TP63: variants seen among roughly 807,000 people sequenced by gnomAD.
The protein encoded by TP63 is tumor protein p63, also known as tumor protein 63.
In TP63, 17 loss-of-function variants were observed where a neutral mutation model predicts 82.8. The observed-to-expected ratio is 0.21, with a 90% CI of 0.14 to 0.31. The LOEUF (loss-of-function observed/expected upper bound fraction) is 0.31, where lower values mean the gene tolerates loss of function less well. TP63 is among the 10% of genes least tolerant of loss of function. The pLI, the probability that TP63 is intolerant of heterozygous loss-of-function variation, is 1.00. For synonymous variants in TP63, 330 were observed against 321.7 expected, an observed-to-expected ratio of 1.03 and a Z score of -0.28; for missense variants, 648 against 895.3, an observed-to-expected ratio of 0.72 and a Z score of 3.52.
At chr3:189,826,080 A>C (rs988811314) in intron 4 of TP63, among the ~76,000 whole-genome samples, 1 of 152,206 alleles carries the variant, frequency 6.6e-6, no homozygotes, top group African/African-American at 2.4e-5. Context: ...TTAAAACTTA[A>C]AGTTTTATGG....
intron 3 of TP63, among the ~76,000 whole-genome samples, chr3:189,776,793 G>C (rs568449952): frequency 8.5e-5 from 13 of 152,328 alleles, no homozygotes; most frequent in African/African-American, 3.1e-4. Flanking sequence ...AAATGCTGTT[G>C]TGACAGTTGG....
chr3:189,748,689 A>G (rs1721570649), intron 3 of TP63, among the ~76,000 whole-genome samples: 1 of 152,022 alleles, frequency 6.6e-6, no homozygotes, highest in South Asian at 2.1e-4. Context: ...AAAAATCCTA[A>G]AAATCATATG....
intron 4 of TP63, among the ~76,000 whole-genome samples, chr3:189,846,057 A>G (rs1714820503): frequency 6.6e-6 from 1 of 152,040 alleles, no homozygotes; most frequent in Non-Finnish European, 1.5e-5. Flanking sequence ...GCCAGCCAAA[A>G]GCGTGTAATA....
chr3:189,689,555 C>T (rs777611910), intron 1 of TP63, among the ~76,000 whole-genome samples: 1 of 152,050 alleles, frequency 6.6e-6, no homozygotes, highest in East Asian at 1.9e-4. Flanking sequence ...CATTGTTGAG[C>T]TACTGGGGAT....
rs536351113 is a variant in TP63, at chr3:189,795,829, G to A, written c.325-12443G>A. Reference sequence around the variant, plus strand: ...GATGATGAGTGACATCTTGCAGGAAGGAAAAGAAAATTAGCCCGAATGATT... The same window carrying A: ...GATGATGAGTGACATCTTGCAGGAAAGAAAAGAAAATTAGCCCGAATGATT... On this transcript the variant is annotated intron_variant, in intron 3 of 13. Coordinates refer to ENST00000264731, the MANE Select transcript of TP63 (RefSeq NM_003722.5). Among the ~76,000 whole-genome samples, 8 of 152,080 alleles carry A rather than the reference G, an allele frequency of 5.3e-5. No individual in the cohort carries two copies. The East Asian group carries it at 1.2e-3, about 22-fold the overall frequency.
the TP63 span, among the ~76,000 whole-genome samples, chr3:189,620,448 T>G: frequency 1.4e-5 from 2 of 142,488 alleles, no homozygotes; most frequent in Non-Finnish European, 3.0e-5. Context: ...AGGCGGAGGT[T>G]GCAGTGAGGT....
At chr3:189,671,725 TG>T (rs1714908182) in intron 1 of TP63, among the ~76,000 whole-genome samples, 1 of 152,118 alleles carries the variant, frequency 6.6e-6, no homozygotes, top group Admixed American at 6.6e-5. Flanking sequence ...GAATGAAATA[TG>T]GTCATTCACA....
At chr3:189,859,401 A>G (rs1215770949) in intron 4 of TP63, among the ~76,000 whole-genome samples, 1 of 152,212 alleles carries the variant, frequency 6.6e-6, no homozygotes, top group Non-Finnish European at 1.5e-5. Context: ...ATAGAATTAC[A>G]TAAGTTTGTT....
chr3:189,756,626 G>A (rs1217499637), intron 3 of TP63, among the ~76,000 whole-genome samples: 1 of 152,192 alleles, frequency 6.6e-6, no homozygotes, highest in Admixed American at 6.5e-5. Context: ...TTTTGCTTTG[G>A]TGTTTGGGTA....
At chr3:189,655,299 A>G (rs568997690) in intron 1 of TP63, among the ~76,000 whole-genome samples, 2 of 152,296 alleles carry the variant, frequency 1.3e-5, no homozygotes, top group African/African-American at 4.8e-5. Flanking sequence ...TGAACCCACC[A>G]GAAAACAGAG....
At position 189,708,285 on chromosome 3, in the gene TP63, T is replaced by C. The variant is rs1718346064; in HGVS notation, c.63-29455T>C. On this transcript the variant is annotated intron_variant, in intron 1 of 13. Transcript: ENST00000264731. ...TGCCAGTAGTAGCAGTCATGAGAAA[T>C]ACACGGACTTAAGGAAATCAACCTG... 1.3e-5 allele frequency among the ~76,000 whole-genome samples: 2 copies of C among 152,208 alleles called. 1 individual carries two copies. The highest frequency in any genetic ancestry group is 4.1e-4 in the South Asian group (2 of 4,832).
intron 10 of TP63, chr3:189,880,311 A>G: frequency 1.5e-6 from 2 of 1,337,394 alleles, no homozygotes; most frequent in Non-Finnish European, 1.9e-6. Flanking sequence ...TCAGAGACCC[A>G]ACTGCTCAAA....
chr3:189,819,912 A>C (rs981600116), intron 4 of TP63, among the ~76,000 whole-genome samples: 1 of 151,810 alleles, frequency 6.6e-6, no homozygotes, highest in African/African-American at 2.4e-5. Context: ...CTCCATGCCC[A>C]GCTAATTTTT....
chr3:189,789,810 C>T (rs2108592350), intron 3 of TP63: 2 of 1,595,478 alleles, frequency 1.3e-6, no homozygotes, highest in South Asian at 1.1e-5. Flanking sequence ...CATGTTGTAC[C>T]TGGAAAACAA....
At chr3:189,764,144 T>A (rs1722772379) in intron 3 of TP63, among the ~76,000 whole-genome samples, 1 of 152,168 alleles carries the variant, frequency 6.6e-6, no homozygotes, top group South Asian at 2.1e-4. Context: ...ATTAAGTCCC[T>A]CTGGCACACT....
upstream of TP63, among the ~76,000 whole-genome samples, chr3:189,628,526 C>T (rs1729368587): frequency 6.6e-6 from 1 of 152,218 alleles, no homozygotes; most frequent in Non-Finnish European, 1.5e-5. Flanking sequence ...ACCTTTCCTT[C>T]CTTAAGTACT....
the TP63 span, among the ~76,000 whole-genome samples, chr3:189,611,265 T>C: frequency 2.0e-5 from 3 of 152,330 alleles, no homozygotes; most frequent in African/African-American, 7.2e-5. Context: ...TCCAGGGTTT[T>C]TATAGTTTTG....
chr3:189,659,762 G>A (rs1417905342), intron 1 of TP63, among the ~76,000 whole-genome samples: 1 of 151,964 alleles, frequency 6.6e-6, no homozygotes, highest in African/African-American at 2.4e-5. Context: ...GTATGAGATG[G>A]CATCTCATTG....
chr3:189,647,293 A>C (rs568240865), intron 1 of TP63, among the ~76,000 whole-genome samples: 1 of 147,142 alleles, frequency 6.8e-6, no homozygotes, highest in South Asian at 2.2e-4. Flanking sequence ...GGCTTTTCTT[A>C]ATTAGTCATA....
Sources: allele counts gnomAD v4.1 joint callset (sites outside exome capture counted in the v4.1 genomes callset), GRCh38; gene constraint gnomAD v4.1.1; transcripts MANE v1.5; gene names NCBI Gene and HGNC (gene_info 2026-07-23, HGNC 2026-07-21).